DOP1B: variants seen among roughly 807,000 people sequenced by gnomAD.
DOP1B encodes the protein DOP1 leucine zipper like protein B.
DOP1B carries 174 observed loss-of-function variants against 233.5 expected under a neutral mutation model. The observed-to-expected ratio is 0.75, with a 90% confidence interval of 0.66 to 0.85. The LOEUF is 0.85. Ranked by LOEUF, DOP1B falls within the 40% of genes least tolerant of loss-of-function variation. The pLI is 0.00. For synonymous variants in DOP1B, 1,190 were observed against 1,185.6 expected (o/e 1.00, Z -0.08); for missense variants, 2,652 against 2,846.6 (o/e 0.93, Z 1.56).
Position 36,264,386 on chromosome 21 carries a change from T to C in DOP1B, c.5487+572T>C, listed in dbSNP as rs369576110. Among the ~76,000 whole-genome samples, 11 of 152,202 alleles carry C rather than the reference T, an allele frequency of 7.2e-5. No individual in the cohort carries two copies. In the East Asian group the frequency reaches 1.9e-3, roughly 27 times the overall value. On this transcript the variant is annotated intron_variant, in intron 26 of 36. Coordinates refer to ENST00000691173, the MANE Select transcript of DOP1B (RefSeq NM_001320714.2). ...GTGATCACACCACTGCACTTCAGCCTGGCAACAGAGAGAGATCCTGTCTCA... is the reference window on the plus strand; with the variant it reads ...GTGATCACACCACTGCACTTCAGCCCGGCAACAGAGAGAGATCCTGTCTCA...
chr21:36,226,288 C>G (rs1166462550), intron 12 of DOP1B, among the ~76,000 whole-genome samples: 2 of 148,214 alleles, frequency 1.3e-5, no homozygotes, highest in Non-Finnish European at 2.9e-5. Context: ...TTCTCTGTCT[C>G]TCTCTCTCTT....
chr21:36,198,019 C>CAAAA (rs59815539), intron 2 of DOP1B, among the ~76,000 whole-genome samples: 65 of 108,408 alleles, frequency 6.0e-4, no homozygotes, highest in Middle Eastern at 5.6e-3. Flanking sequence ...GACTCCGTCT[C>CAAAA]AAAAAAAAAA....
intron 10 of DOP1B, among the ~76,000 whole-genome samples, chr21:36,221,106 C>T (rs537073916): frequency 3.9e-5 from 6 of 152,184 alleles, no homozygotes; most frequent in South Asian, 2.1e-4. Context: ...CCACTGTGCC[C>T]GGCCACTGCT....
intron 23 of DOP1B, among the ~76,000 whole-genome samples, chr21:36,257,369 A>G (rs946273809): frequency 1.3e-5 from 2 of 152,150 alleles, no homozygotes; most frequent in Non-Finnish European, 2.9e-5. Flanking sequence ...AATACTTAAT[A>G]CAGTGACTGG....
At chr21:36,179,908 C>T (rs1364921249) in intron 2 of DOP1B, among the ~76,000 whole-genome samples, 2 of 152,126 alleles carry the variant, frequency 1.3e-5, no homozygotes, top group African/African-American at 4.8e-5. Context: ...GGTGGAGTAG[C>T]TGGGTCAGTG....
chr21:36,208,268 T>A (rs2066451708), intron 4 of DOP1B, among the ~76,000 whole-genome samples: 2 of 152,236 alleles, frequency 1.3e-5, no homozygotes. Context: ...TGGCATCTAA[T>A]TGCTTAAGTC....
chr21:36,231,211 T>C (rs1289313512), intron 14 of DOP1B, 77 bp downstream of exon 14: 4 of 1,481,254 alleles, frequency 2.7e-6, no homozygotes, highest in Non-Finnish European at 3.6e-6. Context: ...ATATCCCCTA[T>C]CCACAATGCT....
Position 36,234,744 on chromosome 21 carries a change from T to G in DOP1B, c.2622+1669T>G, listed in dbSNP as rs150216633. ...TTAGTAGAGACGGGGTTTTACCATATTGGCCACGCTGGTCTCAAACTCCTG... is the reference window on the plus strand; with the variant it reads ...TTAGTAGAGACGGGGTTTTACCATAGTGGCCACGCTGGTCTCAAACTCCTG... On this transcript the variant is annotated intron_variant, in intron 15 of 36. Transcript: ENST00000691173. 5.9e-3 allele frequency among the ~76,000 whole-genome samples: 891 copies of G among 152,234 alleles called. 13 individuals carry two copies. The highest frequency in any genetic ancestry group is 0.021 in the African/African-American group (864 of 41,532).
At chr21:36,202,404 G>A (rs1011639913) in intron 4 of DOP1B, among the ~76,000 whole-genome samples, 5 of 152,154 alleles carry the variant, frequency 3.3e-5, no homozygotes, top group Admixed American at 2.0e-4. Flanking sequence ...ATTACACAAC[G>A]CGCTGCTCAT....
At chr21:36,173,430 T>TA (rs2065991354) in intron 2 of DOP1B, among the ~76,000 whole-genome samples, 1 of 151,240 alleles carries the variant, frequency 6.6e-6, no homozygotes, top group Admixed American at 6.6e-5. Context: ...TTATCTTTTT[T>TA]TTTTTTTTTG....
In DOP1B at chr21:36,196,333, G is replaced by A. The variant is rs117285961; in HGVS notation, c.139-2737G>A. ...GGGAGTCGTGGAAATGTTTTCTGCG[G>A]GCTGGCTGGGCATTGCTGGTGGTGA... On this transcript the variant is annotated intron_variant, in intron 2 of 36. Transcript: ENST00000691173. Among the ~76,000 whole-genome samples the A allele has an allele frequency of 7.9e-5, 12 of 152,296 alleles. No individual in the cohort carries two copies. The East Asian group carries it at 2.3e-3, about 29-fold the overall frequency.
At chr21:36,170,212 C>T (rs2065959830) in intron 2 of DOP1B, 1 of 410,306 alleles carries the variant, frequency 2.4e-6, no homozygotes, top group African/African-American at 2.1e-5. Flanking sequence ...TAGAGCTCTC[C>T]CTGTGGTTTT....
At chr21:36,247,698 T>G in intron 20 of DOP1B, 70 bp downstream of exon 20, 1 of 1,144,788 alleles carries the variant, frequency 8.7e-7, no homozygotes. Context: ...TATGACTGTT[T>G]CAAATAAGTA....
At chr21:36,185,609 C>T (rs1393540321) in intron 2 of DOP1B, among the ~76,000 whole-genome samples, 1 of 152,172 alleles carries the variant, frequency 6.6e-6, no homozygotes, top group Non-Finnish European at 1.5e-5. Flanking sequence ...GTGAAGCCCA[C>T]ACTCCAGGGT....
intron 27 of DOP1B, among the ~76,000 whole-genome samples, chr21:36,275,381 C>A (rs2067338928): frequency 6.6e-6 from 1 of 152,030 alleles, no homozygotes; most frequent in Non-Finnish European, 1.5e-5. Context: ...AATCCCAGCA[C>A]TTTGGGAGGC....
At chr21:36,264,536 C>T (rs373169415) in intron 26 of DOP1B, among the ~76,000 whole-genome samples, 4 of 151,548 alleles carry the variant, frequency 2.6e-5, no homozygotes, top group Non-Finnish European at 4.4e-5. Context: ...TGCAGTGGCA[C>T]GGTCTCAGCT....
At chr21:36,274,590 G>A (rs1000957342) in intron 27 of DOP1B, among the ~76,000 whole-genome samples, 6 of 152,086 alleles carry the variant, frequency 3.9e-5, no homozygotes, top group East Asian at 1.9e-4. Context: ...CAATGTGTCC[G>A]AAGGCCCCAG....
At chr21:36,279,164 A>G (rs1362573557) in intron 30 of DOP1B, among the ~76,000 whole-genome samples, 6 of 151,476 alleles carry the variant, frequency 4.0e-5, no homozygotes, top group African/African-American at 1.5e-4. Flanking sequence ...GTAATCCAAC[A>G]TTTTGGGAGG....
chr21:36,200,600 T>G, intron 4 of DOP1B, 99 bp downstream of exon 4: 3 of 1,412,334 alleles, frequency 2.1e-6, no homozygotes, highest in Non-Finnish European at 2.8e-6. Flanking sequence ...TCCCAGCACT[T>G]TGGAAGGCCA....
Sources: allele counts gnomAD v4.1 joint callset (sites outside exome capture counted in the v4.1 genomes callset), GRCh38; gene constraint gnomAD v4.1.1; transcripts MANE v1.5; gene names NCBI Gene and HGNC (gene_info 2026-07-23, HGNC 2026-07-21).